The following MAPK13 variants were observed in gnomAD, a reference collection of about 807,000 sequenced individuals.
MAPK13 encodes the protein MAP kinase 13.
MAPK13 carries 39 observed loss-of-function variants against 53.5 expected under a neutral mutation model. That is an observed-to-expected ratio of 0.73 (90% CI 0.56 to 0.95). The LOEUF (loss-of-function observed/expected upper bound fraction) is 0.95. Among genes scored for constraint, MAPK13 ranks in the 40% least tolerant of loss-of-function variants. The pLI is 0.00. For missense variants in MAPK13, 460 were observed against 471.8 expected, an observed-to-expected ratio of 0.98 and a Z score of 0.23; for synonymous variants, 179 against 190.9, an observed-to-expected ratio of 0.94 and a Z score of 0.51.
intron 3 of MAPK13, among the ~76,000 whole-genome samples, chr6:36,133,780 G>A (rs1354980729): frequency 1.3e-5 from 2 of 152,208 alleles, no homozygotes; most frequent in African/African-American, 4.8e-5. Flanking sequence ...AATGTGGTAA[G>A]ATAGTATTGA....
At chr6:36,132,095 C>T (rs1329080321) in intron 2 of MAPK13, among the ~76,000 whole-genome samples, 2 of 152,254 alleles carry the variant, frequency 1.3e-5, no homozygotes, top group Non-Finnish European at 2.9e-5. Context: ...ATGTTATGTA[C>T]ATTTTAAGCC....
chr6:36,133,098 T>G (rs1766351566), intron 3 of MAPK13, among the ~76,000 whole-genome samples: 1 of 152,218 alleles, frequency 6.6e-6, no homozygotes, highest in African/African-American at 2.4e-5. Flanking sequence ...TGGGGGTGTT[T>G]GACAGAATGG....
rs147237748 is a variant in MAPK13 at position 36,135,843 on chromosome 6, G to C, written c.399G>C (p.Gln133His). 41 of 1,613,624 alleles carry C rather than the reference G, an allele frequency of 2.5e-5. No individual in the cohort carries two copies. Among genetic ancestry groups the C allele is most frequent in the Non-Finnish European group, 3.1e-5 (36 of 1,179,684 alleles). The change falls in exon 4 of 12, where the codon CAG becomes CAC. Residue 133 changes from glutamine to histidine, a missense_variant. Physicochemically the swap from Gln to His is conservative, Grantham distance 24. Coordinates refer to ENST00000211287, the MANE Select transcript of MAPK13 (RefSeq NM_002754.5). ...SEEKIQYLVY[Q>H]MLKGLKYIHS... is the part of the protein sequence containing the mutation. ...AGAAGATCCAGTACCTGGTGTATCA[G>C]ATGCTCAAAGGCCTTAAGGTGGGTG... is the stretch of plus-strand genomic sequence containing the variant.
At position 36,136,970 on chromosome 6, in the gene MAPK13, C is replaced by A; in HGVS notation, c.682+20C>A. ...AAGATTGTATCCTTTGCTGGAAAAGCCAAACTCCATCTAGGGATTCCTTCC... is the reference window on the plus strand; with the variant it reads ...AAGATTGTATCCTTTGCTGGAAAAGACAAACTCCATCTAGGGATTCCTTCC... On this transcript the variant is annotated intron_variant, in intron 8 of 11. Coordinates refer to ENST00000211287, the MANE Select transcript of MAPK13 (RefSeq NM_002754.5). 2 of 1,607,408 alleles carry A rather than the reference C, an allele frequency of 1.2e-6. No individual in the cohort carries two copies. Among genetic ancestry groups the A allele is most frequent in the African/African-American group, 1.3e-5 (1 of 74,842 alleles).
At chr6:36,136,132 A>C in intron 5 of MAPK13, 84 bp downstream of exon 5, 1 of 1,537,210 alleles carries the variant, frequency 6.5e-7, no homozygotes, top group Non-Finnish European at 9.0e-7. Flanking sequence ...GGAGTGGGAA[A>C]GTTGGAGGGA....
intron 3 of MAPK13, among the ~76,000 whole-genome samples, chr6:36,133,952 C>T (rs1185981731): frequency 2.0e-5 from 3 of 152,170 alleles, no homozygotes; most frequent in South Asian, 2.1e-4. Context: ...GTGTGTTTGT[C>T]GGGTGTTCAC....
chr6:36,136,628 CCTTTT>C, intron 6 of MAPK13, 23 bp from the exon 7 acceptor site: 1 of 1,612,432 alleles, frequency 6.2e-7, no homozygotes, highest in South Asian at 1.1e-5. Flanking sequence ...TCAGCAAGTT[CCTTTT>C]CTATTTATCC....
intron 3 of MAPK13, among the ~76,000 whole-genome samples, chr6:36,133,342 G>A (rs1355284189): frequency 1.3e-5 from 2 of 152,196 alleles, no homozygotes; most frequent in Non-Finnish European, 2.9e-5. Context: ...GCAGCAGCAA[G>A]AAAGGAGTAG....
rs1348103387 is a variant in MAPK13 at position 36,141,429 on chromosome 6, C to G, written c.*2056C>G. On this transcript the variant is annotated 3_prime_UTR_variant, in exon 12 of 12. Transcript: ENST00000211287. ...TAGCTCACGCCTGTAATCCCAGCAC[C>G]TTGGGAGGCTGAGGTGGGCGGATCA... The G allele has an allele frequency of 6.6e-6, 1 of 152,088 alleles. No individual in the cohort carries two copies. Among genetic ancestry groups the G allele is most frequent in the South Asian group, 2.1e-4 (1 of 4,832 alleles). The allele number at this position is 152,088 out of a possible 1,614,324, so 9.4% of individuals were successfully genotyped here. A position where few individuals can be genotyped will look rare whatever the true frequency, so the allele number is the denominator to read the frequency against.
At chr6:36,133,614 CTT>C (rs1413416854) in intron 3 of MAPK13, among the ~76,000 whole-genome samples, 1 of 152,188 alleles carries the variant, frequency 6.6e-6, no homozygotes, top group African/African-American at 2.4e-5. Flanking sequence ...ATTTTGGACA[CTT>C]TACTTTTAAA....
Position 36,130,776 on chromosome 6 carries a change from T to C in MAPK13, c.119+75T>C, listed in dbSNP as rs1766302449. On this transcript the variant is annotated intron_variant, in intron 1 of 11. Transcript: ENST00000211287. This position sits in a 1 kb window ranked among gnomAD's most constrained non-coding sequence, Gnocchi z 4.5. ...CCTTTCCGCCCAGCCCGCCCTGGGC[T>C]GGCCCCTCGCCAGCGCCACCTTGAC... 18 of 794,904 alleles carry C rather than the reference T, an allele frequency of 2.3e-5. No homozygotes were observed. The South Asian group carries it at 3.3e-4, about 15-fold the overall frequency. The allele number at this position is 794,904 out of a possible 1,614,324, so 49.2% of individuals were successfully genotyped here.
Position 36,142,157 on chromosome 6 carries a change from G to T in MAPK13, c.*2784G>T, listed in dbSNP as rs138268427. ...TGGGACACCAGTCCTGGGATCCACC[G>T]TAAGGTTCATTCTGCATTCACAGGT... On this transcript the variant is annotated 3_prime_UTR_variant, in exon 12 of 12. Transcript: ENST00000211287. This position sits in a 1 kb window ranked among gnomAD's most constrained non-coding sequence, Gnocchi z 4.4. The T allele has an allele frequency of 6.6e-6, 1 of 152,410 alleles. No homozygotes were observed. Among genetic ancestry groups the T allele is most frequent in the South Asian group, 2.1e-4 (1 of 4,834 alleles). The allele number at this position is 152,410 out of a possible 1,614,324, so 9.4% of individuals were successfully genotyped here.
chr6:36,131,205 C>T, intron 1 of MAPK13, 66 bp from the exon 2 acceptor site: 1 of 1,561,618 alleles, frequency 6.4e-7, no homozygotes, highest in Admixed American at 1.8e-5. Flanking sequence ...TGGGAGGGGT[C>T]AGGGCGGTCT....
rs749309760 is a variant in MAPK13, at chr6:36,138,958, C to T, written c.921C>T (p.Phe307=). The T allele has an allele frequency of 1.9e-6, 3 of 1,613,896 alleles. No individual in the cohort carries two copies. The highest frequency in any genetic ancestry group is 2.7e-5 in the African/African-American group (2 of 74,932). ...CCGCGCAGGCCCTCACCCATCCCTT[C>T]TTTGAACCCTTCCGGGACCCTGAGG... The part of the protein sequence containing the change: ...LTAAQALTHP[F]FEPFRDPEEE... The change falls in exon 11 of 12, where the codon TTC becomes TTT. Residue 307 remains phenylalanine (F), a synonymous_variant. Transcript: ENST00000211287.
At chr6:36,137,469 C>T (rs184419168) in intron 8 of MAPK13, among the ~76,000 whole-genome samples, 8 of 150,596 alleles carry the variant, frequency 5.3e-5, no homozygotes, top group African/African-American at 1.7e-4. Context: ...GAGCTGAGAT[C>T]GCGCCACTGC....
At chr6:36,131,946 T>A (rs1210328663) in intron 2 of MAPK13, among the ~76,000 whole-genome samples, 3 of 152,226 alleles carry the variant, frequency 2.0e-5, no homozygotes, top group Non-Finnish European at 4.4e-5. Context: ...AGGCTCCCGG[T>A]CTGAGCACAT....
intron 3 of MAPK13, 47 bp from the exon 4 acceptor site, chr6:36,135,706 G>C: frequency 7.2e-7 from 1 of 1,395,446 alleles, no homozygotes; most frequent in Non-Finnish European, 1.0e-6. Context: ...CTGACCTGGG[G>C]CTGGGTGGGA....
At position 36,136,703 on chromosome 6, in the gene MAPK13, C is replaced by T. The variant is rs1416206192; in HGVS notation, c.543C>T (p.Gly181=). Residue 181 remains glycine, a synonymous_variant, in exon 7 of 12, where the codon GGC becomes GGT. Transcript: ENST00000211287. ...LARHADAEMT[G]YVVTRWYRAP... is the part of the protein sequence containing the mutation. Reference sequence around the variant, plus strand: ...GACATGCAGACGCCGAGATGACTGGCTACGTGGTGACCCGCTGGTACCGAG... The same window carrying T: ...GACATGCAGACGCCGAGATGACTGGTTACGTGGTGACCCGCTGGTACCGAG... 4 of 1,613,946 alleles carry T rather than the reference C, an allele frequency of 2.5e-6. No homozygotes were observed. The highest frequency in any genetic ancestry group is 3.4e-6 in the Non-Finnish European group (4 of 1,179,994).
At chr6:36,136,810 CTGGTCACTCGG>C (rs1766427354) in intron 7 of MAPK13, 40 bp downstream of exon 7, 1 of 1,610,518 alleles carries the variant, frequency 6.2e-7, no homozygotes, top group Non-Finnish European at 8.5e-7. Flanking sequence ...CTGGGGCCAT[CTGGTCACTCGG>C]TGCTGACTGA....
Sources: allele counts gnomAD v4.1 joint callset (sites outside exome capture counted in the v4.1 genomes callset), GRCh38; gene constraint gnomAD v4.1.1; non-coding constraint Gnocchi (gnomAD v3.1); transcripts MANE v1.5; gene names NCBI Gene and HGNC (gene_info 2026-07-23, HGNC 2026-07-21).